The following SLFN5 variants were observed in gnomAD, a reference collection of about 807,000 sequenced individuals.
The protein encoded by SLFN5 is schlafen family member 5.
A neutral mutation model predicts 48.5 loss-of-function variants in SLFN5; 34 were observed. That is an observed-to-expected ratio of 0.70 (90% CI 0.53 to 0.93). SLFN5 has a LOEUF of 0.93. SLFN5 is among the 40% of genes least tolerant of loss of function. The pLI is 0.00. For missense variants in SLFN5, 1,006 were observed against 1,071.3 expected (o/e 0.94, Z 0.85); for synonymous variants, 387 against 396.2 (o/e 0.98, Z 0.28).
Position 35,259,553 on chromosome 17 carries a change from C to A in SLFN5, c.863C>A (p.Ala288Asp). The A allele has an allele frequency of 6.2e-7, 1 of 1,613,964 alleles. No individual in the cohort carries two copies. The highest frequency in any genetic ancestry group is 1.3e-5 in the African/African-American group (1 of 75,018). ...TTCCTTGAAGTGCATGATAAGGGGGCCCTCCGTGGATATGTCTGTGCAATC... is the reference window on the plus strand; with the variant it reads ...TTCCTTGAAGTGCATGATAAGGGGGACCTCCGTGGATATGTCTGTGCAATC... ...LNFLEVHDKG[A>D]LRGYVCAIKV... The change falls in exon 2 of 5, where the codon GCC becomes GAC. Residue 288 changes from alanine (A) to aspartate (D), a missense_variant. Physicochemically the swap from Ala to Asp is moderately radical, Grantham distance 126 (BLOSUM62 -2). Coordinates refer to ENST00000299977, the MANE Select transcript of SLFN5 (RefSeq NM_144975.4).
chr17:35,259,337 T>C lies in SLFN5; in HGVS notation c.647T>C (p.Val216Ala). The C allele has an allele frequency of 6.2e-7, 1 of 1,614,218 alleles. No individual in the cohort carries two copies. The highest frequency in any genetic ancestry group is 2.2e-5 in the East Asian group (1 of 44,892). Residue 216 changes from valine (V) to alanine (A), a missense_variant, in exon 2 of 5, where the codon GTT (valine) becomes GCT (alanine). Val to Ala is a moderately conservative substitution (Grantham distance 64, BLOSUM62 0). Transcript: ENST00000299977. Reference sequence around the variant, plus strand: ...GTTAAAGACAGACTTCCGAAGTGTGTTTCTGCATTTGCAAATACTGAAGGA... The same window carrying C: ...GTTAAAGACAGACTTCCGAAGTGTGCTTCTGCATTTGCAAATACTGAAGGA... ...HCVKDRLPKC[V>A]SAFANTEGGY...
rs943534727 is a variant in SLFN5 at position 35,270,038 on chromosome 17, T to C, written c.*4150T>C. The C allele has an allele frequency of 6.6e-6, 1 of 152,216 alleles. No homozygotes were observed. Among genetic ancestry groups the C allele is most frequent in the African/African-American group, 2.4e-5 (1 of 41,468 alleles). 9.4% of individuals were successfully genotyped at this position (152,216 alleles called of 1,614,324 possible). On this transcript the variant is annotated 3_prime_UTR_variant, in exon 5 of 5. Transcript: ENST00000299977. ...AAATATTCGGTAGTTCAGCTCTTCC[T>C]TCAATTTTATTAGTTGCTTTTTCTT...
intron 1 of SLFN5, among the ~76,000 whole-genome samples, chr17:35,248,060 G>T (rs1279315271): frequency 6.6e-6 from 1 of 152,136 alleles, no homozygotes; most frequent in African/African-American, 2.4e-5. Context: ...TCCTACTGAT[G>T]GTCAACAGCT....
Position 35,271,296 on chromosome 17 carries a change from G to T in SLFN5, c.*5408G>T, listed in dbSNP as rs1012523144. ...CTATTCATATAGGGATGGGCTATTA[G>T]CAAGAGTATATGAATAACGTACTAT... On this transcript the variant is annotated 3_prime_UTR_variant, in exon 5 of 5. Coordinates refer to ENST00000299977, the MANE Select transcript of SLFN5 (RefSeq NM_144975.4). The T allele has an allele frequency of 6.6e-6, 1 of 152,136 alleles. No homozygotes were observed. Among genetic ancestry groups the T allele is most frequent in the African/African-American group, 2.4e-5 (1 of 41,430 alleles). 9.4% of individuals were successfully genotyped at this position (152,136 alleles called of 1,614,324 possible).
chr17:35,253,243 C>T (rs2092446552), intron 1 of SLFN5, among the ~76,000 whole-genome samples: 1 of 152,112 alleles, frequency 6.6e-6, no homozygotes, highest in African/African-American at 2.4e-5. Context: ...CTTCCAATGG[C>T]CCTATCTCCT....
At chr17:35,243,616 G>A (rs562114990) in intron 1 of SLFN5, among the ~76,000 whole-genome samples, 2 of 152,208 alleles carry the variant, frequency 1.3e-5, no homozygotes, top group Non-Finnish European at 2.9e-5. Flanking sequence ...GGCTTGGAAC[G>A]TCAGTCTTCA....
At chr17:35,251,826 G>T (rs2092443299) in intron 1 of SLFN5, among the ~76,000 whole-genome samples, 1 of 148,168 alleles carries the variant, frequency 6.7e-6, no homozygotes, top group African/African-American at 2.5e-5. Context: ...CGATTCTCCT[G>T]CCTCAACCTC....
At position 35,266,886 on chromosome 17, in the gene SLFN5, T is replaced by C. The variant is rs1023457852; in HGVS notation, c.*998T>C. 1 of 152,212 alleles carries C rather than the reference T, an allele frequency of 6.6e-6. No individual in the cohort carries two copies. The highest frequency in any genetic ancestry group is 1.5e-5 in the Non-Finnish European group (1 of 68,036). The allele number at this position is 152,212 out of a possible 1,614,324, so 9.4% of individuals were successfully genotyped here. ...TTCCTGTGGGTCTCTAGAAACTCTCTCAATATTTAAAGCCAAACAAATCCA... is the reference window on the plus strand; with the variant it reads ...TTCCTGTGGGTCTCTAGAAACTCTCCCAATATTTAAAGCCAAACAAATCCA... On this transcript the variant is annotated 3_prime_UTR_variant, in exon 5 of 5. Coordinates refer to ENST00000299977, the MANE Select transcript of SLFN5 (RefSeq NM_144975.4).
chr17:35,260,795 A>AT (rs999445185), intron 2 of SLFN5, among the ~76,000 whole-genome samples, 176 bp from the exon 3 acceptor site: 3 of 152,074 alleles, frequency 2.0e-5, no homozygotes, highest in Non-Finnish European at 4.4e-5. Flanking sequence ...ATGCTAGGTT[A>AT]TTTTTTCCTT....
rs1191135393 is a variant in SLFN5 at position 35,271,753 on chromosome 17, A to C, written c.*5865A>C. 2 of 152,190 alleles carry C rather than the reference A, an allele frequency of 1.3e-5. No homozygotes were observed. Among genetic ancestry groups the C allele is most frequent in the African/African-American group, 4.8e-5 (2 of 41,448 alleles). 9.4% of individuals were successfully genotyped at this position (152,190 alleles called of 1,614,324 possible). On this transcript the variant is annotated 3_prime_UTR_variant, in exon 5 of 5. Transcript: ENST00000299977. ...TGATTTTAAAATTTAATGAAGGCCA[A>C]GCATGGTGGCTCACTCCTGTAATCC...
rs1343168094 is a variant in SLFN5, at chr17:35,273,116, A to G, written c.*7228A>G. ...TGGCATATCAGCACATGATAATACT[A>G]TGAAGCCATAAAAAAGAGAGATCTC... On this transcript the variant is annotated 3_prime_UTR_variant, in exon 5 of 5. Coordinates refer to ENST00000299977, the MANE Select transcript of SLFN5 (RefSeq NM_144975.4). 1 of 152,238 alleles carries G rather than the reference A, an allele frequency of 6.6e-6. No homozygotes were observed. The highest frequency in any genetic ancestry group is 1.5e-5 in the Non-Finnish European group (1 of 68,026). 9.4% of individuals were successfully genotyped at this position (152,238 alleles called of 1,614,324 possible).
intron 1 of SLFN5, among the ~76,000 whole-genome samples, chr17:35,244,267 G>T (rs946452163): frequency 6.6e-6 from 1 of 152,180 alleles, no homozygotes; most frequent in Non-Finnish European, 1.5e-5. Flanking sequence ...CACTAAAAAT[G>T]TTGGGGTGCT....
At chr17:35,253,503 G>A (rs1186932849) in intron 1 of SLFN5, among the ~76,000 whole-genome samples, 1 of 151,154 alleles carries the variant, frequency 6.6e-6, no homozygotes, top group African/African-American at 2.4e-5. Flanking sequence ...TCCCAAGTAG[G>A]TAGGACTACA....
At chr17:35,244,473 T>TC (rs1286526150) in intron 1 of SLFN5, among the ~76,000 whole-genome samples, 3 of 152,056 alleles carry the variant, frequency 2.0e-5, no homozygotes, top group Non-Finnish European at 4.4e-5. Flanking sequence ...TTGTCTGGCC[T>TC]CGCCCTATGA....
chr17:35,256,252 G>A (rs560559976), intron 1 of SLFN5, among the ~76,000 whole-genome samples: 3 of 152,172 alleles, frequency 2.0e-5, no homozygotes, highest in East Asian at 1.9e-4. Flanking sequence ...CCAGATCCTC[G>A]GGAGGCTGAG....
rs1238070839 is a variant in SLFN5 at position 35,272,298 on chromosome 17, G to A, written c.*6410G>A. The stretch of plus-strand genomic sequence containing the variant: ...TTTATATGTTAAATTCAAGTTAATT[G>A]GGGAAAGATGGATTATTCAATATAT... On this transcript the variant is annotated 3_prime_UTR_variant, in exon 5 of 5. Coordinates refer to ENST00000299977, the MANE Select transcript of SLFN5 (RefSeq NM_144975.4). 6.6e-6 allele frequency: 1 copy of A among 152,010 alleles called. No homozygotes were observed. Among genetic ancestry groups the A allele is most frequent in the Non-Finnish European group, 1.5e-5 (1 of 68,002 alleles). The allele number at this position is 152,010 out of a possible 1,614,324, so 9.4% of individuals were successfully genotyped here.
intron 2 of SLFN5, among the ~76,000 whole-genome samples, chr17:35,260,242 G>C (rs1904481567): frequency 6.6e-6 from 1 of 152,138 alleles, no homozygotes; most frequent in African/African-American, 2.4e-5. Flanking sequence ...TGATAAGCCA[G>C]AGGATGGTTG....
chr17:35,248,703 A>G (rs1270476134), intron 1 of SLFN5, among the ~76,000 whole-genome samples: 1 of 152,064 alleles, frequency 6.6e-6, no homozygotes, highest in Admixed American at 6.6e-5. Context: ...ACATCTGTAG[A>G]ATTTAAACCT....
rs568188480 is a variant in SLFN5 at position 35,264,279 on chromosome 17, G to A, written c.1235G>A (p.Arg412His). The change falls in exon 4 of 5, where the codon CGC (arginine) becomes CAC (histidine). Residue 412 changes from arginine to histidine, a missense_variant. Transcript: ENST00000299977. ...GLRDLINTEM[R>H]PFSQGILIFS... Reference sequence around the variant, plus strand: ...AGAGACTTAATAAATACAGAAATGCGCCCTTTCTCTCAAGGAATATTGATT... The same window carrying A: ...AGAGACTTAATAAATACAGAAATGCACCCTTTCTCTCAAGGAATATTGATT... 3.0e-5 allele frequency: 48 copies of A among 1,614,036 alleles called. No homozygotes were observed. The highest frequency in any genetic ancestry group is 5.0e-5 in the Admixed American group (3 of 60,022).
Sources: gnomAD v4.1 joint callset for allele counts (sites outside exome capture counted in the v4.1 genomes callset) on GRCh38, gnomAD v4.1.1 for gene constraint, MANE v1.5 for transcripts, NCBI Gene and HGNC (gene_info 2026-07-23, HGNC 2026-07-21) for gene names.